The following KAZN variants were observed in gnomAD, a reference collection of about 807,000 sequenced individuals.
KAZN encodes kazrin.
Under a neutral mutation model 87.4 loss-of-function variants are expected in KAZN, and 40 were observed. The ratio of observed to expected loss-of-function variants is 0.46; its 90% confidence interval spans 0.36 to 0.60. The LOEUF (loss-of-function observed/expected upper bound fraction) is 0.60, where lower values mean the gene tolerates loss of function less well. KAZN is among the 20% of genes least tolerant of loss of function. KAZN has a pLI of 0.00. For synonymous variants in KAZN, 466 were observed against 458.3 expected, an observed-to-expected ratio of 1.02 and a Z score of -0.22; for missense variants, 898 against 1,073.9, an observed-to-expected ratio of 0.84 and a Z score of 2.29.
chr1:15,050,158 T>TA, intron 4 of KAZN, among the ~76,000 whole-genome samples: 1 of 121,122 alleles, frequency 8.3e-6, no homozygotes, highest in Non-Finnish European at 1.7e-5. Flanking sequence ...TAGAATAGAA[T>TA]GGAATAGAAT....
intron 2 of KAZN, among the ~76,000 whole-genome samples, chr1:14,425,496 A>G (rs1428976708): frequency 4.6e-5 from 7 of 152,192 alleles, no homozygotes; most frequent in Non-Finnish European, 1.0e-4. Context: ...TAGAAGATAC[A>G]ACAATAGTGC....
At chr1:14,319,020 TTA>T (rs1655860074) in intron 2 of KAZN, among the ~76,000 whole-genome samples, 1 of 94,496 alleles carries the variant, frequency 1.1e-5, no homozygotes, top group African/African-American at 4.3e-5. Context: ...TTTTATTTAT[TTA>T]TTTATTTATT....
At chr1:14,227,051 T>C (rs1399171749) in intron 2 of KAZN, among the ~76,000 whole-genome samples, 4 of 151,920 alleles carry the variant, frequency 2.6e-5, no homozygotes, top group African/African-American at 9.7e-5. Context: ...AACCTAAAAG[T>C]TGGAAAGAAA....
intron 1 of KAZN, among the ~76,000 whole-genome samples, chr1:14,740,163 G>A (rs1171514651): frequency 1.3e-5 from 2 of 152,126 alleles, no homozygotes; most frequent in Admixed American, 1.3e-4. Context: ...AGGCAAATTG[G>A]TCCCTCCACA....
intron 1 of KAZN, among the ~76,000 whole-genome samples, chr1:14,007,307 T>G (rs1464342553): frequency 6.6e-6 from 1 of 152,228 alleles, no homozygotes; most frequent in East Asian, 1.9e-4. Context: ...ACTTCTTCCT[T>G]TTTGATTTGG....
intron 1 of KAZN, among the ~76,000 whole-genome samples, chr1:14,702,530 C>T (rs970030202): frequency 6.6e-6 from 1 of 152,174 alleles, no homozygotes; most frequent in African/African-American, 2.4e-5. Flanking sequence ...GCTTCACTGA[C>T]TCTCCATGAA....
At chr1:14,885,966 G>A (rs755044200) in intron 1 of KAZN, among the ~76,000 whole-genome samples, 1 of 152,086 alleles carries the variant, frequency 6.6e-6, no homozygotes, top group Non-Finnish European at 1.5e-5. Context: ...GTGCCCTGTA[G>A]GATGTTTAGC....
rs747786503 is a variant in KAZN at position 15,044,120 on chromosome 1, G to A, written c.687G>A (p.Lys229=). 1.2e-6 allele frequency: 2 copies of A among 1,611,356 alleles called. No homozygotes were observed. Among genetic ancestry groups the A allele is most frequent in the African/African-American group, 1.3e-5 (1 of 75,028 alleles). The change falls in exon 4 of 15, where the codon AAG becomes AAA. Residue 229 remains lysine, a synonymous_variant. Transcript: ENST00000376030. The part of the protein sequence containing the change: ...ATALRSQLDL[K]DNRMKELEAE... ...CACTGCGCTCCCAGCTGGACCTCAA[G>A]GACAACCGGATGAAGGAGCTGGAGG...
intron 1 of KAZN, among the ~76,000 whole-genome samples, chr1:14,023,752 A>G (rs1640950045): frequency 6.6e-6 from 1 of 152,190 alleles, no homozygotes; most frequent in Non-Finnish European, 1.5e-5. Context: ...CCAAACCCTC[A>G]GATGCCAGGA....
intron 1 of KAZN, among the ~76,000 whole-genome samples, chr1:14,660,527 T>TTCTCTC (rs35829534): frequency 3.7e-4 from 44 of 120,066 alleles, no homozygotes; most frequent in African/African-American, 1.6e-3. Flanking sequence ...CTCTCCAAGT[T>TTCTCTC]TCTCTCTCTC....
intron 1 of KAZN, among the ~76,000 whole-genome samples, chr1:14,734,990 G>A (rs1416938195): frequency 6.6e-6 from 1 of 152,372 alleles, no homozygotes; most frequent in South Asian, 2.1e-4. Flanking sequence ...TCAGGAGGCA[G>A]TAGGTGTGCC....
intron 1 of KAZN, among the ~76,000 whole-genome samples, chr1:14,074,202 C>G (rs1328023339): frequency 6.6e-6 from 1 of 152,154 alleles, no homozygotes; most frequent in Non-Finnish European, 1.5e-5. Context: ...ACCTGGAAAG[C>G]CAGGTTTGAA....
At chr1:14,399,157 C>T (rs1238780081) in intron 2 of KAZN, among the ~76,000 whole-genome samples, 1 of 152,130 alleles carries the variant, frequency 6.6e-6, no homozygotes, top group Admixed American at 6.5e-5. Flanking sequence ...TCCTGCCATG[C>T]CTGGCTAGTT....
At chr1:14,997,197 T>C (rs1667959772) in intron 2 of KAZN, among the ~76,000 whole-genome samples, 1 of 129,512 alleles carries the variant, frequency 7.7e-6, no homozygotes, top group Non-Finnish European at 1.6e-5. Context: ...CTTTTCTTTC[T>C]TTCTTTCATT....
At chr1:15,064,286 G>A (rs1444919414) in intron 7 of KAZN, among the ~76,000 whole-genome samples, 11 of 152,108 alleles carry the variant, frequency 7.2e-5, no homozygotes, top group Non-Finnish European at 1.3e-4. Flanking sequence ...CATTCGCAAC[G>A]GAGACCACCA....
chr1:15,047,977 G>A (rs1673763748), intron 4 of KAZN, among the ~76,000 whole-genome samples: 1 of 152,214 alleles, frequency 6.6e-6, no homozygotes, highest in African/African-American at 2.4e-5. Flanking sequence ...TGTAGCTGCT[G>A]GTGCTGGGCG....
chr1:14,855,854 T>C (rs957905472), intron 1 of KAZN, among the ~76,000 whole-genome samples: 12 of 152,304 alleles, frequency 7.9e-5, no homozygotes, highest in Non-Finnish European at 1.6e-4. Flanking sequence ...GCCTATGTAA[T>C]TGGAATAGAA....
At chr1:14,128,255 C>G (rs1344979737) in intron 1 of KAZN, among the ~76,000 whole-genome samples, 1 of 151,468 alleles carries the variant, frequency 6.6e-6, no homozygotes, top group East Asian at 1.9e-4. Flanking sequence ...GTGCTGGTGC[C>G]TGAGGCTGGC....
intron 1 of KAZN, among the ~76,000 whole-genome samples, chr1:14,655,628 A>G (rs940677625): frequency 6.6e-6 from 1 of 152,206 alleles, no homozygotes; most frequent in East Asian, 1.9e-4. Context: ...ACAGATATAG[A>G]TTAGAACAAT....
Sources: gnomAD v4.1 joint callset for allele counts (sites outside exome capture counted in the v4.1 genomes callset) on GRCh38, gnomAD v4.1.1 for gene constraint, MANE v1.5 for transcripts, NCBI Gene and HGNC (gene_info 2026-07-23, HGNC 2026-07-21) for gene names.